The following RABGAP1L variants were observed in gnomAD, a reference collection of about 807,000 sequenced individuals.
The protein encoded by RABGAP1L is rab GTPase-activating protein 1-like.
RABGAP1L carries 63 observed loss-of-function variants against 137.7 expected under a neutral mutation model. The ratio of observed to expected loss-of-function variants is 0.46; its 90% CI spans 0.37 to 0.56. The LOEUF (loss-of-function observed/expected upper bound fraction) is 0.56. Among genes scored for constraint, RABGAP1L ranks in the 20% least tolerant of loss-of-function variants. The pLI is 0.00. For synonymous variants in RABGAP1L, 431 were observed against 433.7 expected (o/e 0.99, Z 0.08); for missense variants, 1,095 against 1,244.0 (o/e 0.88, Z 1.80).
intron 11 of RABGAP1L, among the ~76,000 whole-genome samples, chr1:174,369,012 C>T (rs1314107722): frequency 1.3e-5 from 2 of 152,062 alleles, no homozygotes; most frequent in African/African-American, 4.8e-5. Flanking sequence ...ATCAAATAGC[C>T]TGAAACCTTG....
At chr1:174,272,776 C>G (rs776922906) in intron 8 of RABGAP1L, among the ~76,000 whole-genome samples, 3 of 151,912 alleles carry the variant, frequency 2.0e-5, no homozygotes, top group Non-Finnish European at 4.4e-5. Flanking sequence ...GTAACAAGTA[C>G]ATGATTATAA....
chr1:174,802,583 G>GGCAATAAGAGCTAAAC (rs1688855639), intron 18 of RABGAP1L, among the ~76,000 whole-genome samples: 1 of 152,158 alleles, frequency 6.6e-6, no homozygotes, highest in Non-Finnish European at 1.5e-5. Context: ...CTCCAGCCTG[G>GGCAATAAGAGCTAAAC]GCAATAAGAG....
intron 3 of RABGAP1L, among the ~76,000 whole-genome samples, chr1:174,228,270 A>G (rs972361): frequency 0.57 from 87,082 of 151,866 alleles, 27,375 homozygotes; most frequent in African/African-American, 0.85. Context: ...ACACAGGTTT[A>G]TAAAATACCT....
chr1:174,206,791 T>C (rs1668533558), intron 1 of RABGAP1L, among the ~76,000 whole-genome samples: 1 of 152,212 alleles, frequency 6.6e-6, no homozygotes, highest in African/African-American at 2.4e-5. Context: ...TGAATATTGT[T>C]GTACTATTTC....
intron 18 of RABGAP1L, among the ~76,000 whole-genome samples, chr1:174,775,825 C>A (rs1754360): frequency 0.6 from 91,415 of 151,968 alleles, 30,664 homozygotes; most frequent in East Asian, 0.93. Flanking sequence ...TGGTCCCTCA[C>A]AGTTCACTAA....
intron 20 of RABGAP1L, among the ~76,000 whole-genome samples, chr1:174,966,937 T>A (rs1669680729): frequency 6.6e-6 from 1 of 152,196 alleles, no homozygotes; most frequent in African/African-American, 2.4e-5. Flanking sequence ...AATTCCTTTT[T>A]TTCTTAATAA....
intron 13 of RABGAP1L, among the ~76,000 whole-genome samples, chr1:174,530,837 A>G (rs1664336108): frequency 1.8e-5 from 1 of 54,996 alleles, no homozygotes; most frequent in African/African-American, 2.0e-4. Context: ...ATACATACAT[A>G]CGTACGTTTG....
rs544857461 is a variant in RABGAP1L, at chr1:174,761,428, G to A, written c.2211+9074G>A. 9.9e-5 allele frequency among the ~76,000 whole-genome samples: 15 copies of A among 151,034 alleles called. No homozygotes were observed. In the East Asian group the frequency reaches 1.8e-3, roughly 18 times the overall value. On this transcript the variant is annotated intron_variant, in intron 18 of 25. Coordinates refer to ENST00000681986, the MANE Select transcript of RABGAP1L (RefSeq NM_001366446.1). The surrounding 1 kb of genome is among the most constrained non-coding windows in gnomAD (Gnocchi z 4.0). ...GAGGGTGGCACGGCCAGGCAGAGGC[G>A]CTCCTCAGTTTTCAGACGGTGCAGC...
At chr1:174,524,796 ACCCATC>A (rs1453886876) in intron 13 of RABGAP1L, among the ~76,000 whole-genome samples, 1 of 151,814 alleles carries the variant, frequency 6.6e-6, no homozygotes, top group African/African-American at 2.4e-5. Context: ...TAAGTCTTTA[ACCCATC>A]TTGAATTGAT....
chr1:174,754,657 A>G (rs1475973032), intron 18 of RABGAP1L, among the ~76,000 whole-genome samples: 1 of 152,092 alleles, frequency 6.6e-6, no homozygotes, highest in Non-Finnish European at 1.5e-5. Context: ...AGATGCCACC[A>G]TGCCCAGCTA....
chr1:174,278,232 G>A (rs368780649), intron 9 of RABGAP1L, among the ~76,000 whole-genome samples: 1 of 151,994 alleles, frequency 6.6e-6, no homozygotes, highest in Non-Finnish European at 1.5e-5. Flanking sequence ...GTGAAACCCC[G>A]TCTGTAGTAA....
chr1:174,852,934 TCAAGTTTCTTTA>T (rs1186157661), intron 19 of RABGAP1L, among the ~76,000 whole-genome samples: 1 of 152,148 alleles, frequency 6.6e-6, no homozygotes, highest in African/African-American at 2.4e-5. Flanking sequence ...GTTAGGATAA[TCAAGTTTCTTTA>T]AAGATAATAT....
At chr1:174,209,522 G>A (rs767882748) in intron 1 of RABGAP1L, among the ~76,000 whole-genome samples, 1 of 152,196 alleles carries the variant, frequency 6.6e-6, no homozygotes, top group Non-Finnish European at 1.5e-5. Context: ...CTGTGGAAAC[G>A]ACAGGGATGA....
intron 13 of RABGAP1L, among the ~76,000 whole-genome samples, chr1:174,576,448 T>C (rs1357614269): frequency 6.6e-6 from 1 of 152,218 alleles, no homozygotes; most frequent in African/African-American, 2.4e-5. Flanking sequence ...GAAACCTCCC[T>C]GACTGCACAT....
At chr1:174,687,959 T>C (rs931769665) in intron 15 of RABGAP1L, among the ~76,000 whole-genome samples, 11 of 152,216 alleles carry the variant, frequency 7.2e-5, no homozygotes, top group African/African-American at 2.2e-4. Context: ...TTCTAGATGC[T>C]TTGACAATAG....
At chr1:174,649,631 CTGTT>C (rs1415666788) in intron 14 of RABGAP1L, among the ~76,000 whole-genome samples, 1 of 152,060 alleles carries the variant, frequency 6.6e-6, no homozygotes, top group Non-Finnish European at 1.5e-5. Flanking sequence ...ATTTGGCTCT[CTGTT>C]TGTCTGTTAT....
intron 6 of RABGAP1L, among the ~76,000 whole-genome samples, chr1:174,252,021 C>G (rs1296547990): frequency 6.6e-6 from 1 of 151,940 alleles, no homozygotes; most frequent in African/African-American, 2.4e-5. Flanking sequence ...CTCAGCCTCC[C>G]CAGTAGCTGG....
At chr1:174,532,030 A>G (rs1438284630) in intron 13 of RABGAP1L, among the ~76,000 whole-genome samples, 1 of 152,010 alleles carries the variant, frequency 6.6e-6, no homozygotes, top group Non-Finnish European at 1.5e-5. Context: ...ATAAGAAAAC[A>G]AGTAGAAAGG....
At chr1:174,742,333 TGTG>T (rs1184290802) in intron 17 of RABGAP1L, among the ~76,000 whole-genome samples, 3 of 151,842 alleles carry the variant, frequency 2.0e-5, no homozygotes, top group Admixed American at 2.0e-4. Flanking sequence ...GCCTAACTAA[TGTG>T]GTGAAACCCA....
Sources: allele counts gnomAD v4.1 joint callset (sites outside exome capture counted in the v4.1 genomes callset), GRCh38; gene constraint gnomAD v4.1.1; non-coding constraint Gnocchi (gnomAD v3.1); transcripts MANE v1.5; gene names NCBI Gene and HGNC (gene_info 2026-07-23, HGNC 2026-07-21).